Variants in SEC11A observed in about 807,000 individuals in gnomAD.
SEC11A encodes signal peptidase complex catalytic subunit SEC11A.
Under a neutral mutation model 25.6 loss-of-function variants are expected in SEC11A, and 14 were observed. The observed-to-expected ratio is 0.55, with a 90% CI of 0.36 to 0.85. The LOEUF (loss-of-function observed/expected upper bound fraction) is 0.85. SEC11A is among the 40% of genes least tolerant of loss of function. The probability of loss-of-function intolerance (pLI) is 0.01; values close to 1 mark genes in which losing one functional copy is unlikely to be tolerated. For synonymous variants in SEC11A, 83 were observed against 76.4 expected, an observed-to-expected ratio of 1.09 and a Z score of -0.45; for missense variants, 153 against 222.9, an observed-to-expected ratio of 0.69 and a Z score of 2.00.
At chr15:84,714,993 T>C (rs1898413065) in intron 1 of SEC11A, 1 of 152,180 alleles carries the variant, frequency 6.6e-6, no homozygotes, top group Admixed American at 6.5e-5. Context: ...ATTTGAAGTG[T>C]TGTCATAAAG....
rs1251508766 is a variant in SEC11A, at chr15:84,670,763, T to C, written c.451A>G (p.Ile151Val). ...RARGFVPYIG[I>V]VTILMNDYPK... ...TAGTCATTCATGAGGATCGTCACAA[T>C]TCCAATATAAGGAACAAATCTAAAA... Residue 151 changes from isoleucine to valine, a missense_variant, in exon 5 of 6, where the codon ATT becomes GTT. By Grantham distance (29) the Ile-to-Val change is conservative. Coordinates refer to ENST00000268220, the MANE Select transcript of SEC11A (RefSeq NM_014300.4). 9.6e-6 allele frequency: 14 copies of C among 1,459,780 alleles called. No homozygotes were observed. The highest frequency in any genetic ancestry group is 1.4e-5 in the African/African-American group (1 of 70,384). 90.4% of individuals were successfully genotyped at this position (1,459,780 alleles called of 1,614,324 possible).
chr15:84,703,814 T>C (rs1225914966), intron 1 of SEC11A, among the ~76,000 whole-genome samples: 1 of 152,160 alleles, frequency 6.6e-6, no homozygotes. Context: ...AATACGTATA[T>C]AGAATATGAA....
At chr15:84,673,366 G>A (rs1277636874) in intron 4 of SEC11A, 2 of 183,724 alleles carry the variant, frequency 1.1e-5, no homozygotes, top group Non-Finnish European at 2.2e-5. Flanking sequence ...TGTCTGTGTA[G>A]AAAGAAGTAG....
intron 4 of SEC11A, among the ~76,000 whole-genome samples, chr15:84,676,407 C>T (rs8023276): frequency 0.57 from 85,168 of 150,594 alleles, 25,573 homozygotes; most frequent in East Asian, 0.81. Flanking sequence ...TGGGGGTTGC[C>T]GTGATCATGC....
In SEC11A at chr15:84,669,996, C is replaced by T. The variant is rs1199372185; in HGVS notation, c.*23G>A. On this transcript the variant is annotated 3_prime_UTR_variant, in exon 6 of 6. Transcript: ENST00000268220. ...CAGTAACGAAAACTATGGCATCTTC[C>T]CAGGAACAGCAAGGCAGGCTTCTTA... is the stretch of plus-strand genomic sequence containing the variant. The T allele has an allele frequency of 2.5e-6, 4 of 1,613,554 alleles. No individual in the cohort carries two copies. In the South Asian group the frequency reaches 4.4e-5, roughly 18 times the overall value.
At chr15:84,692,892 C>T (rs1325770542) in intron 1 of SEC11A, among the ~76,000 whole-genome samples, 1 of 152,236 alleles carries the variant, frequency 6.6e-6, no homozygotes, top group Non-Finnish European at 1.5e-5. Context: ...GTTGCCCAGG[C>T]TGGAGTGCAG....
intron 1 of SEC11A, among the ~76,000 whole-genome samples, chr15:84,695,902 T>G (rs1013356943): frequency 6.6e-6 from 1 of 152,216 alleles, no homozygotes; most frequent in Non-Finnish European, 1.5e-5. Flanking sequence ...ACATACTTCA[T>G]GTTTTTACAG....
At position 84,716,102 on chromosome 15, in the gene SEC11A, C is replaced by T; in HGVS notation, c.-27G>A. ...GCGGGGACGGCGAGCAGGACACCGG[C>T]AGGGGAAAGGGCGCGATGACCAGCG... is the stretch of plus-strand genomic sequence containing the variant. On this transcript the variant is annotated 5_prime_UTR_variant, in exon 1 of 6. Transcript: ENST00000268220. 1.2e-6 allele frequency: 2 copies of T among 1,612,044 alleles called. No individual in the cohort carries two copies. The highest frequency in any genetic ancestry group is 1.7e-6 in the Non-Finnish European group (2 of 1,178,578).
intron 1 of SEC11A, among the ~76,000 whole-genome samples, chr15:84,713,409 C>G (rs988918838): frequency 1.3e-5 from 2 of 152,182 alleles, no homozygotes; most frequent in Non-Finnish European, 2.9e-5. Flanking sequence ...TAGTTTCCCT[C>G]TTTCGTCTGA....
At chr15:84,691,200 G>A (rs1283081042) in intron 2 of SEC11A, among the ~76,000 whole-genome samples, 5 of 150,074 alleles carry the variant, frequency 3.3e-5, no homozygotes, top group East Asian at 2.0e-4. Context: ...TCAGCCTCCC[G>A]AGTAGCTGAG....
chr15:84,708,574 T>G (rs185255473), intron 1 of SEC11A, among the ~76,000 whole-genome samples: 2 of 152,208 alleles, frequency 1.3e-5, no homozygotes, highest in Non-Finnish European at 2.9e-5. Context: ...CAAAGATACC[T>G]AGGCAACAGG....
intron 3 of SEC11A, among the ~76,000 whole-genome samples, chr15:84,681,817 G>A (rs1274648526): frequency 6.6e-6 from 1 of 152,112 alleles, no homozygotes; most frequent in Non-Finnish European, 1.5e-5. Context: ...GCTCACTCCT[G>A]TAATCCTAGC....
At chr15:84,701,409 T>C (rs888504922) in intron 1 of SEC11A, among the ~76,000 whole-genome samples, 1 of 151,480 alleles carries the variant, frequency 6.6e-6, no homozygotes, top group African/African-American at 2.4e-5. Context: ...AACCTCCACC[T>C]CCCGGGTTCA....
At chr15:84,677,740 T>C (rs1211294799) in intron 4 of SEC11A, among the ~76,000 whole-genome samples, 1 of 152,208 alleles carries the variant, frequency 6.6e-6, no homozygotes. Context: ...CCCAAAGTGC[T>C]GGGATTGCAG....
chr15:84,700,463 G>T (rs998886690), intron 1 of SEC11A, among the ~76,000 whole-genome samples: 4 of 149,238 alleles, frequency 2.7e-5, no homozygotes, highest in Admixed American at 6.6e-5. Flanking sequence ...GCATGGTGGC[G>T]CATGCCTGTA....
chr15:84,710,386 C>T (rs1898224078), intron 1 of SEC11A, among the ~76,000 whole-genome samples: 1 of 152,126 alleles, frequency 6.6e-6, no homozygotes, highest in Non-Finnish European at 1.5e-5. Context: ...GTAATCCCAA[C>T]ACTTTGGGAG....
chr15:84,693,363 T>A (rs1225842100), intron 1 of SEC11A, among the ~76,000 whole-genome samples: 2 of 150,908 alleles, frequency 1.3e-5, no homozygotes, highest in South Asian at 4.2e-4. Context: ...AAAAAAAGCA[T>A]AAGAAAAAAT....
At position 84,716,085 on chromosome 15, in the gene SEC11A, G is replaced by T; in HGVS notation, c.-10C>A. ...AGTCTAGAGACAGCATGGCGGGGACGGCGAGCAGGACACCGGCAGGGGAAA... is the reference window on the plus strand; with the variant it reads ...AGTCTAGAGACAGCATGGCGGGGACTGCGAGCAGGACACCGGCAGGGGAAA... On this transcript the variant is annotated 5_prime_UTR_variant, in exon 1 of 6. Transcript: ENST00000268220. The T allele has an allele frequency of 6.2e-7, 1 of 1,613,322 alleles. No individual in the cohort carries two copies. Among genetic ancestry groups the T allele is most frequent in the Non-Finnish European group, 8.5e-7 (1 of 1,179,554 alleles).
intron 4 of SEC11A, among the ~76,000 whole-genome samples, chr15:84,678,334 A>G (rs1469167203): frequency 6.6e-6 from 1 of 152,250 alleles, no homozygotes; most frequent in Non-Finnish European, 1.5e-5. Flanking sequence ...GCCTTAACAT[A>G]TGAGTATGCT....
Sources: allele counts gnomAD v4.1 joint callset (sites outside exome capture counted in the v4.1 genomes callset), GRCh38; gene constraint gnomAD v4.1.1; transcripts MANE v1.5; gene names NCBI Gene and HGNC (gene_info 2026-07-23, HGNC 2026-07-21).